The following KCTD1 variants were observed in gnomAD, a reference collection of about 807,000 sequenced individuals.
KCTD1 encodes potassium channel tetramerization domain containing 1.
A neutral mutation model predicts 66.0 loss-of-function variants in KCTD1; 24 were observed. The ratio of observed to expected loss-of-function variants is 0.36; its 90% CI spans 0.26 to 0.51. The LOEUF (loss-of-function observed/expected upper bound fraction) is 0.51, where lower values mean the gene tolerates loss of function less well. Among genes scored for constraint, KCTD1 ranks in the 20% least tolerant of loss-of-function variants. KCTD1 has a pLI of 0.95. For missense variants in KCTD1, 943 were observed against 1,205.2 expected (o/e 0.78, Z 3.22); for synonymous variants, 511 against 517.2 (o/e 0.99, Z 0.16).
In KCTD1 at chr18:26,546,944, C is replaced by A. The variant is rs1164836116; in HGVS notation, c.1593G>T (p.Ala531=). ...CAGACTCGTACAGGGCGCGCTTGGG[C>A]GCAGCCTCGGATTTCACGTCGGGCC... ...QVGPDVKSEA[A]PKRALYESVF... is the part of the protein sequence containing the mutation. The change falls in exon 1 of 5, where the codon GCG becomes GCT. Residue 531 remains alanine (A), a synonymous_variant. Transcript: ENST00000580059. 1.4e-6 allele frequency: 2 copies of A among 1,474,208 alleles called. No homozygotes were observed. Among genetic ancestry groups the A allele is most frequent in the African/African-American group, 1.4e-5 (1 of 70,728 alleles). 91.3% of individuals were successfully genotyped at this position (1,474,208 alleles called of 1,614,324 possible). A position where few individuals can be genotyped will look rare whatever the true frequency, so the allele number is the denominator to read the frequency against.
At chr18:26,645,996 C>T (rs565557933) in intron 1 of KCTD1, among the ~76,000 whole-genome samples, 9 of 152,228 alleles carry the variant, frequency 5.9e-5, no homozygotes, top group African/African-American at 2.2e-4. Context: ...GTGGAAAAGA[C>T]TATTTGGTAA....
chr18:26,503,561 G>A (rs1488494070), intron 1 of KCTD1, among the ~76,000 whole-genome samples: 7 of 151,974 alleles, frequency 4.6e-5, no homozygotes, highest in South Asian at 2.1e-4. Flanking sequence ...CCATCACAGC[G>A]CGGCAGAGTC....
At chr18:26,506,752 C>A (rs978846447) in intron 1 of KCTD1, among the ~76,000 whole-genome samples, 2 of 152,230 alleles carry the variant, frequency 1.3e-5, no homozygotes, top group Non-Finnish European at 2.9e-5. Flanking sequence ...GTCCATAGAA[C>A]TTTCTGCAGT....
chr18:26,481,199 C>A (rs566736184), intron 2 of KCTD1, among the ~76,000 whole-genome samples: 1 of 152,202 alleles, frequency 6.6e-6, no homozygotes, highest in Non-Finnish European at 1.5e-5. Flanking sequence ...GAATTTAAGT[C>A]GTCGGGGCTG....
intron 1 of KCTD1, among the ~76,000 whole-genome samples, chr18:26,583,980 A>G (rs1349341545): frequency 6.6e-6 from 1 of 152,218 alleles, no homozygotes; most frequent in Non-Finnish European, 1.5e-5. Flanking sequence ...TGCATCCTCA[A>G]GTTAACATCA....
chr18:26,617,272 A>AT (rs1316977954), intron 1 of KCTD1, among the ~76,000 whole-genome samples: 1 of 152,230 alleles, frequency 6.6e-6, no homozygotes, highest in African/African-American at 2.4e-5. Flanking sequence ...CTTGAATACT[A>AT]TTACATTCAG....
At chr18:26,563,330 A>G (rs1985905560) in intron 1 of KCTD1, among the ~76,000 whole-genome samples, 1 of 152,162 alleles carries the variant, frequency 6.6e-6, no homozygotes, top group South Asian at 2.1e-4. Context: ...CTGAAAACCA[A>G]CAAACCAAAC....
At chr18:26,506,111 A>AG (rs1315088615) in intron 1 of KCTD1, among the ~76,000 whole-genome samples, 2 of 150,820 alleles carry the variant, frequency 1.3e-5, no homozygotes, top group Admixed American at 6.6e-5. Context: ...CGAACTCTTG[A>AG]GCTCAGGTGA....
At chr18:26,596,629 G>C (rs1055371722) in intron 1 of KCTD1, among the ~76,000 whole-genome samples, 2 of 152,202 alleles carry the variant, frequency 1.3e-5, no homozygotes, top group African/African-American at 4.8e-5. Context: ...AACAAGAGCT[G>C]GGTAATCTTG....
At chr18:26,528,148 A>G (rs951237777) in intron 1 of KCTD1, among the ~76,000 whole-genome samples, 3 of 152,296 alleles carry the variant, frequency 2.0e-5, no homozygotes, top group Admixed American at 6.5e-5. Flanking sequence ...CTTTTCTTTC[A>G]GTACTATAGG....
At chr18:26,614,198 C>G (rs150822309) in intron 1 of KCTD1, among the ~76,000 whole-genome samples, 1 of 152,304 alleles carries the variant, frequency 6.6e-6, no homozygotes, top group South Asian at 2.1e-4. Flanking sequence ...TATTCTAGCA[C>G]GTAGATCAGT....
intron 1 of KCTD1, chr18:26,567,001 AG>A (rs909236985): frequency 6.6e-6 from 1 of 152,080 alleles, no homozygotes; most frequent in Admixed American, 6.6e-5. Flanking sequence ...ACAAACGAGC[AG>A]GGGAGGGTTG....
intron 1 of KCTD1, among the ~76,000 whole-genome samples, chr18:26,514,441 T>C (rs2144727836): frequency 6.6e-6 from 1 of 151,162 alleles, no homozygotes; most frequent in East Asian, 1.9e-4. Context: ...AGTCTGTGAC[T>C]CAGGAGGTTG....
rs143763803 is a variant in KCTD1, at chr18:26,533,827, TAAAA to T, written c.1809+12897_1809+12900del. Among the ~76,000 whole-genome samples, 318 of 130,396 alleles carry T rather than the reference TAAAA, an allele frequency of 2.4e-3. 1 individual carries two copies. Among genetic ancestry groups the T allele is most frequent in the African/African-American group, 7.8e-3 (272 of 35,032 alleles). 85.5% of individuals were successfully genotyped at this position (130,396 alleles called of 152,430 possible). Reference sequence around the variant, plus strand: ...TGAGAATATTTTTAAAGCTATTATTTAAAAAAAAAAAAAAAAAAAAAGCAAGCCA... The same window carrying T: ...TGAGAATATTTTTAAAGCTATTATTTAAAAAAAAAAAAAAAAAGCAAGCCA... On this transcript the variant is annotated intron_variant, in intron 1 of 4. Coordinates refer to ENST00000580059, the MANE Select transcript of KCTD1 (RefSeq NM_001142730.3).
rs925329132 is a variant in KCTD1 at position 26,579,091 on chromosome 18, A to C, written c.-16+50056T>G. 2.8e-4 allele frequency among the ~76,000 whole-genome samples: 42 copies of C among 152,156 alleles called. 1 individual carries two copies. Among genetic ancestry groups the C allele is most frequent in the Non-Finnish European group, 1.2e-4 (8 of 68,028 alleles). ...AATACTGGATGCATATACAAGATGAAGACTTAACAAGTAGGAAATGTACAG... is the reference window on the plus strand; with the variant it reads ...AATACTGGATGCATATACAAGATGACGACTTAACAAGTAGGAAATGTACAG... On this transcript the variant is annotated intron_variant, in intron 1 of 4. Transcript: ENST00000317932.
At chr18:26,612,785 C>T (rs1482591835) in intron 1 of KCTD1, among the ~76,000 whole-genome samples, 5 of 152,200 alleles carry the variant, frequency 3.3e-5, no homozygotes, top group Non-Finnish European at 4.4e-5. Flanking sequence ...GGAAACTCTT[C>T]GGGCAGTGAG....
intron 1 of KCTD1, among the ~76,000 whole-genome samples, chr18:26,610,301 G>C (rs1374324324): frequency 1.2e-4 from 18 of 152,118 alleles, no homozygotes; most frequent in African/African-American, 4.3e-4. Context: ...GGCCAGGCAT[G>C]GTGGCTCATG....
intron 1 of KCTD1, among the ~76,000 whole-genome samples, chr18:26,504,988 G>A (rs969952511): frequency 6.6e-5 from 10 of 152,222 alleles, no homozygotes; most frequent in African/African-American, 2.2e-4. Context: ...CCAGGTCCTC[G>A]CTGACATTGT....
intron 1 of KCTD1, among the ~76,000 whole-genome samples, chr18:26,586,103 A>G (rs1412256934): frequency 6.6e-6 from 1 of 152,242 alleles, no homozygotes; most frequent in African/African-American, 2.4e-5. Context: ...TTCGCTTTAT[A>G]GCAATTCAAA....
Sources: gnomAD v4.1 joint callset for allele counts (sites outside exome capture counted in the v4.1 genomes callset) on GRCh38, gnomAD v4.1.1 for gene constraint, MANE v1.5 for transcripts, NCBI Gene and HGNC (gene_info 2026-07-23, HGNC 2026-07-21) for gene names.